Variants in CDH18 observed in about 807,000 individuals in gnomAD.
CDH18 encodes cadherin-18.
A neutral mutation model predicts 67.9 loss-of-function variants in CDH18; 31 were observed. The observed-to-expected ratio is 0.46, with a 90% confidence interval of 0.34 to 0.62. The LOEUF (loss-of-function observed/expected upper bound fraction) is 0.62, where lower values mean the gene tolerates loss of function less well. CDH18 is among the 20% of genes least tolerant of loss of function. CDH18 has a pLI of 0.01. For synonymous variants in CDH18, 362 were observed against 347.2 expected (o/e 1.04, Z -0.48); for missense variants, 890 against 975.5 (o/e 0.91, Z 1.17).
rs188954252 is a variant in CDH18 at position 19,898,305 on chromosome 5, A to G, written c.-256-59063T>C. 1.4e-3 allele frequency among the ~76,000 whole-genome samples: 216 copies of G among 152,054 alleles called. 3 individuals are homozygous for G. Among genetic ancestry groups the G allele is most frequent in the African/African-American group, 4.6e-3 (192 of 41,544 alleles). Reference sequence around the variant, plus strand: ...TGTAGGTCATACAAAATTGGTGGTCACATGATTTTCCTATTTTACATGTAG... The same window carrying G: ...TGTAGGTCATACAAAATTGGTGGTCGCATGATTTTCCTATTTTACATGTAG... On this transcript the variant is annotated intron_variant, in intron 2 of 12. Coordinates refer to ENST00000382275, the MANE Select transcript of CDH18 (RefSeq NM_004934.5).
intron 1 of CDH18, among the ~76,000 whole-genome samples, chr5:20,537,889 C>A (rs1021688968): frequency 3.9e-5 from 6 of 152,244 alleles, no homozygotes; most frequent in Admixed American, 3.3e-4. Context: ...GTTGTGTGGG[C>A]TTCATAATCC....
At chr5:20,395,026 G>A (rs979833160) in intron 1 of CDH18, among the ~76,000 whole-genome samples, 3 of 152,154 alleles carry the variant, frequency 2.0e-5, no homozygotes, top group Non-Finnish European at 2.9e-5. Context: ...GTGGAAAACA[G>A]TATGGAGATT....
At chr5:19,529,298 T>G (rs961151854) in intron 9 of CDH18, among the ~76,000 whole-genome samples, 2 of 151,842 alleles carry the variant, frequency 1.3e-5, no homozygotes, top group Non-Finnish European at 2.9e-5. Context: ...TAACAAGAAA[T>G]AAAGAACACT....
intron 2 of CDH18, among the ~76,000 whole-genome samples, chr5:19,966,703 T>G (rs563529411): frequency 6.6e-6 from 1 of 152,190 alleles, no homozygotes; most frequent in African/African-American, 2.4e-5. Flanking sequence ...TTTCCAATAG[T>G]AAACTACTAG....
intron 3 of CDH18, among the ~76,000 whole-genome samples, chr5:19,753,695 G>A (rs1483454788): frequency 4.6e-5 from 7 of 152,118 alleles, no homozygotes; most frequent in African/African-American, 1.2e-4. Flanking sequence ...CTAAAGTTAC[G>A]ACAAAGGAAA....
At chr5:19,731,707 C>T (rs1178962875) in intron 4 of CDH18, among the ~76,000 whole-genome samples, 1 of 152,140 alleles carries the variant, frequency 6.6e-6, no homozygotes, top group Admixed American at 6.5e-5. Context: ...TCAATTATCT[C>T]TCTAATGTGT....
chr5:19,759,955 A>G (rs1273417677), intron 3 of CDH18, among the ~76,000 whole-genome samples: 2 of 152,238 alleles, frequency 1.3e-5, no homozygotes, highest in Admixed American at 1.3e-4. Context: ...CATTTAACCT[A>G]GAAGTTTTCT....
chr5:20,263,323 T>G (rs1744802189), intron 1 of CDH18, among the ~76,000 whole-genome samples: 1 of 152,128 alleles, frequency 6.6e-6, no homozygotes, highest in African/African-American at 2.4e-5. Context: ...TTGCTTAAAG[T>G]TGGGTATTGG....
rs2457028 is a variant in CDH18, at chr5:20,461,146, C to A, written c.-580+114316G>T. 4.6e-4 allele frequency among the ~76,000 whole-genome samples: 70 copies of A among 152,130 alleles called. 2 individuals are homozygous for A. Among genetic ancestry groups the A allele is most frequent in the African/African-American group, 1.5e-3 (61 of 41,502 alleles). ...TGGTCTTGGGTGTCTGACAGCCACACGCTTGCTGTACTTAGTCCTTAAGTG... is the reference window on the plus strand; with the variant it reads ...TGGTCTTGGGTGTCTGACAGCCACAAGCTTGCTGTACTTAGTCCTTAAGTG... On this transcript the variant is annotated intron_variant, in intron 1 of 14. Coordinates refer to the CDH18 transcript ENST00000507958.
At chr5:19,563,855 A>T (rs1327620023) in intron 8 of CDH18, among the ~76,000 whole-genome samples, 2 of 152,090 alleles carry the variant, frequency 1.3e-5, no homozygotes, top group African/African-American at 2.4e-5. Context: ...GGCTTACACA[A>T]CCCCTCCCTC....
At chr5:19,834,669 A>C (rs991511559) in intron 3 of CDH18, among the ~76,000 whole-genome samples, 1 of 152,106 alleles carries the variant, frequency 6.6e-6, no homozygotes, top group South Asian at 2.1e-4. Context: ...TTAGTGCTAT[A>C]AATTTCCCTC....
chr5:19,610,104 A>C (rs1748701865), intron 6 of CDH18, among the ~76,000 whole-genome samples: 2 of 152,102 alleles, frequency 1.3e-5, no homozygotes, highest in Non-Finnish European at 2.9e-5. Flanking sequence ...AGAAACCCCA[A>C]GTGTAAACTT....
intron 1 of CDH18, among the ~76,000 whole-genome samples, chr5:20,441,209 A>G (rs187226295): frequency 6.6e-6 from 1 of 152,092 alleles, no homozygotes; most frequent in Admixed American, 6.5e-5. Context: ...AGCCAAAGGA[A>G]ACTTTTGATA....
At chr5:19,627,846 A>C (rs138131625) in intron 5 of CDH18, among the ~76,000 whole-genome samples, 1 of 152,168 alleles carries the variant, frequency 6.6e-6, no homozygotes, top group Admixed American at 6.5e-5. Flanking sequence ...TGGGACCAGA[A>C]TATCTAAGGT....
At chr5:20,122,077 T>C (rs1348041141) in intron 2 of CDH18, among the ~76,000 whole-genome samples, 1 of 152,152 alleles carries the variant, frequency 6.6e-6, no homozygotes, top group Non-Finnish European at 1.5e-5. Context: ...GTGTTAGAAA[T>C]AAAAAGCAAA....
intron 11 of CDH18, among the ~76,000 whole-genome samples, chr5:19,489,247 T>C (rs918967048): frequency 2.7e-5 from 4 of 147,700 alleles, no homozygotes; most frequent in African/African-American, 1.0e-4. Flanking sequence ...TTCTTTTTTT[T>C]TTCTTTTTTT....
At chr5:20,363,508 G>A (rs1742266075) in intron 1 of CDH18, among the ~76,000 whole-genome samples, 1 of 145,812 alleles carries the variant, frequency 6.9e-6, no homozygotes, top group Non-Finnish European at 1.5e-5. Context: ...GCCAGCATGT[G>A]TCTCTGTTAC....
At chr5:19,922,689 C>T (rs913561500) in intron 2 of CDH18, among the ~76,000 whole-genome samples, 1 of 152,028 alleles carries the variant, frequency 6.6e-6, no homozygotes, top group African/African-American at 2.4e-5. Flanking sequence ...TTCTTTCATC[C>T]CTGGACATTC....
intron 1 of CDH18, among the ~76,000 whole-genome samples, chr5:20,547,127 G>A (rs565229251): frequency 6.6e-6 from 1 of 151,974 alleles, no homozygotes; most frequent in South Asian, 2.1e-4. Flanking sequence ...ATTTATTTAA[G>A]GAACATAAAT....
Sources: allele counts gnomAD v4.1 joint callset (sites outside exome capture counted in the v4.1 genomes callset), GRCh38; gene constraint gnomAD v4.1.1; transcripts MANE v1.5; gene names NCBI Gene and HGNC (gene_info 2026-07-23, HGNC 2026-07-21).